CDS1: variants seen among roughly 807,000 people sequenced by gnomAD.
CDS1 encodes CDP-diacylglycerol synthase 1.
In CDS1, 41 loss-of-function variants were observed where a neutral mutation model predicts 62.1. The ratio of observed to expected loss-of-function variants is 0.66; its 90% confidence interval spans 0.51 to 0.86. The LOEUF (loss-of-function observed/expected upper bound fraction) is 0.86. Ranked by LOEUF, CDS1 falls within the 40% of genes least tolerant of loss-of-function variation. CDS1 has a pLI of 0.00. For missense variants in CDS1, 470 were observed against 550.1 expected, an observed-to-expected ratio of 0.85 and a Z score of 1.46; for synonymous variants, 185 against 192.6, an observed-to-expected ratio of 0.96 and a Z score of 0.32.
Position 84,592,921 on chromosome 4 carries a change from T to C in CDS1, c.117+9403T>C, listed in dbSNP as rs181209310. 4.6e-5 allele frequency among the ~76,000 whole-genome samples: 7 copies of C among 152,334 alleles called. No individual in the cohort carries two copies. The East Asian group carries it at 1.4e-3, about 29-fold the overall frequency. On this transcript the variant is annotated intron_variant, in intron 1 of 12. Coordinates refer to ENST00000295887, the MANE Select transcript of CDS1 (RefSeq NM_001263.4). Reference sequence around the variant, plus strand: ...AGTTAAGTTGTGGCTCACTGCTACCTTCCAGTCCCAAGCAGGTCATTTCAC... The same window carrying C: ...AGTTAAGTTGTGGCTCACTGCTACCCTCCAGTCCCAAGCAGGTCATTTCAC...
chr4:84,619,044 TAC>T (rs33991933), intron 4 of CDS1, among the ~76,000 whole-genome samples: 11,546 of 140,842 alleles, frequency 0.082, 577 homozygotes, highest in East Asian at 0.21. Context: ...ATTAAATTTA[TAC>T]ACACACACAC....
chr4:84,639,967 A>G (rs1054873686), intron 9 of CDS1, among the ~76,000 whole-genome samples: 1 of 151,878 alleles, frequency 6.6e-6, no homozygotes, highest in Non-Finnish European at 1.5e-5. Context: ...ATAATTAAAC[A>G]TTATGAAGCT....
At chr4:84,599,430 A>ATGTG in intron 1 of CDS1, among the ~76,000 whole-genome samples, 2 of 21,918 alleles carry the variant, frequency 9.1e-5, no homozygotes, top group African/African-American at 2.5e-4. Context: ...ATATATATAT[A>ATGTG]TATATATATA....
intron 6 of CDS1, among the ~76,000 whole-genome samples, chr4:84,632,606 A>C (rs959275703): frequency 6.6e-6 from 1 of 152,206 alleles, no homozygotes; most frequent in South Asian, 2.1e-4. Context: ...GAATCTGAGC[A>C]TGAAGAGTAA....
chr4:84,630,174 G>A (rs1250091781), intron 5 of CDS1, among the ~76,000 whole-genome samples: 6 of 152,130 alleles, frequency 3.9e-5, no homozygotes, highest in Admixed American at 3.9e-4. Flanking sequence ...AAACTCAAAA[G>A]CAGGAATTTT....
At position 84,651,245 on chromosome 4, in the gene CDS1, A is replaced by G. The variant is rs1213073447; in HGVS notation, c.*2559A>G. On this transcript the variant is annotated 3_prime_UTR_variant, in exon 13 of 13. Transcript: ENST00000295887. ...AGCATAAACAGTGTATATTTAGGGT[A>G]TATGGGTGATAGCTTATGATGTGTG... is the stretch of plus-strand genomic sequence containing the variant. 1 of 152,248 alleles carries G rather than the reference A, an allele frequency of 6.6e-6. No individual in the cohort carries two copies. The allele number at this position is 152,248 out of a possible 1,614,324, so 9.4% of individuals were successfully genotyped here. A position where few individuals can be genotyped will look rare whatever the true frequency, so the allele number is the denominator to read the frequency against.
intron 3 of CDS1, among the ~76,000 whole-genome samples, chr4:84,615,234 TA>T (rs1329723929): frequency 6.6e-6 from 1 of 152,106 alleles, no homozygotes. Context: ...TAGTCAGTTC[TA>T]CCCCCTATAC....
intron 12 of CDS1, among the ~76,000 whole-genome samples, chr4:84,646,835 T>C (rs913631281): frequency 6.6e-6 from 1 of 152,184 alleles, no homozygotes; most frequent in Non-Finnish European, 1.5e-5. Flanking sequence ...GTTTGTTTGG[T>C]CCGCTTGTTC....
At position 84,649,352 on chromosome 4, in the gene CDS1, T is replaced by G. The variant is rs1240878125; in HGVS notation, c.*666T>G. 1.3e-5 allele frequency: 2 copies of G among 152,230 alleles called. No homozygotes were observed. Among genetic ancestry groups the G allele is most frequent in the East Asian group, 3.9e-4 (2 of 5,194 alleles). The allele number at this position is 152,230 out of a possible 1,614,324, so 9.4% of individuals were successfully genotyped here. A position where few individuals can be genotyped will look rare whatever the true frequency, so the allele number is the denominator to read the frequency against. On this transcript the variant is annotated 3_prime_UTR_variant, in exon 13 of 13. Transcript: ENST00000295887. ...CATCAGACTACTTCTGATAAAATTG[T>G]TTGGAAGGTCACGACCTCGCAAAAA... is the stretch of plus-strand genomic sequence containing the variant.
intron 1 of CDS1, among the ~76,000 whole-genome samples, chr4:84,594,537 A>G (rs1722691192): frequency 6.6e-6 from 1 of 152,108 alleles, no homozygotes; most frequent in Non-Finnish European, 1.5e-5. Context: ...AATATACCAA[A>G]GAAGTATATT....
intron 5 of CDS1, among the ~76,000 whole-genome samples, chr4:84,623,923 A>AGCCCGGGTTCT (rs1314266543): frequency 6.6e-6 from 1 of 152,038 alleles, no homozygotes; most frequent in Non-Finnish European, 1.5e-5. Flanking sequence ...TGGGACAGGC[A>AGCCCGGGTTCT]GCCCGGGTTC....
At chr4:84,635,202 T>C (rs1421483847) in intron 7 of CDS1, 62 bp from the exon 8 acceptor site, 1 of 792,604 alleles carries the variant, frequency 1.3e-6, no homozygotes, top group Non-Finnish European at 2.1e-6. Flanking sequence ...CCTTTCCGAA[T>C]ATCTGCCACT....
chr4:84,608,470 G>A lies in CDS1; in HGVS notation c.246-959G>A, dbSNP rs1007440065. On this transcript the variant is annotated intron_variant, in intron 2 of 12. Transcript: ENST00000295887. ...ATTACAGGCGTGAGCCACCACGCCC[G>A]GCCAAGGAAATACTTTTACTAAAGG... Among the ~76,000 whole-genome samples the A allele has an allele frequency of 1.1e-4, 17 of 152,066 alleles. 1 individual carries two copies. The highest frequency in any genetic ancestry group is 1.9e-4 in the Non-Finnish European group (13 of 68,010).
At chr4:84,635,666 C>A (rs1724177380) in intron 8 of CDS1, among the ~76,000 whole-genome samples, 1 of 127,686 alleles carries the variant, frequency 7.8e-6, no homozygotes, top group Non-Finnish European at 1.6e-5. Flanking sequence ...TTCCTTCCTT[C>A]CTTCCTTCCT....
At chr4:84,590,081 G>GATTAC (rs1271278799) in intron 1 of CDS1, among the ~76,000 whole-genome samples, 3 of 152,322 alleles carry the variant, frequency 2.0e-5, no homozygotes, top group East Asian at 3.9e-4. Flanking sequence ...AAAGTGCTGG[G>GATTAC]ATTACAGGCA....
intron 6 of CDS1, among the ~76,000 whole-genome samples, chr4:84,632,987 G>A (rs1724069991): frequency 2.0e-5 from 3 of 152,124 alleles, no homozygotes; most frequent in Admixed American, 6.5e-5. Context: ...AACCGGGCGT[G>A]GTGGCACACA....
At position 84,589,833 on chromosome 4, in the gene CDS1, C is replaced by T. The variant is rs183018806; in HGVS notation, c.117+6315C>T. ...TTTTTTGTTTTGTTTTGTTTTGAGA[C>T]GGAGTCTCACTCTGTTGCCCAGGCT... On this transcript the variant is annotated intron_variant, in intron 1 of 12. Transcript: ENST00000295887. 4.9e-3 allele frequency among the ~76,000 whole-genome samples: 742 copies of T among 151,946 alleles called. 6 individuals are homozygous for T. The highest frequency in any genetic ancestry group is 4.7e-3 in the Non-Finnish European group (321 of 67,968).
At chr4:84,632,918 G>A (rs1724068044) in intron 6 of CDS1, among the ~76,000 whole-genome samples, 1 of 152,222 alleles carries the variant, frequency 6.6e-6, no homozygotes, top group Non-Finnish European at 1.5e-5. Flanking sequence ...GAGCCCAGGA[G>A]TTTGAGACCA....
chr4:84,583,614 G>C, intron 1 of CDS1, 96 bp downstream of exon 1: 2 of 673,264 alleles, frequency 3.0e-6, no homozygotes, highest in South Asian at 2.0e-5. Context: ...TCCAGCGTCA[G>C]GTGAGGCTGC....
Sources: gnomAD v4.1 joint callset for allele counts (sites outside exome capture counted in the v4.1 genomes callset) on GRCh38, gnomAD v4.1.1 for gene constraint, MANE v1.5 for transcripts, NCBI Gene and HGNC (gene_info 2026-07-23, HGNC 2026-07-21) for gene names.